The following KCNT2 variants were observed in gnomAD, a reference collection of about 807,000 sequenced individuals.
KCNT2 encodes the protein potassium channel subfamily T member 2.
In KCNT2, 67 loss-of-function variants were observed where a neutral mutation model predicts 153.8. The observed-to-expected ratio is 0.44, with a 90% confidence interval of 0.36 to 0.53. The LOEUF (loss-of-function observed/expected upper bound fraction) is 0.53. KCNT2 is among the 20% of genes least tolerant of loss of function. The probability of loss-of-function intolerance (pLI) is 0.00; values close to 1 mark genes in which losing one functional copy is unlikely to be tolerated. For missense variants in KCNT2, 975 were observed against 1,354.8 expected (o/e 0.72, Z 4.40); for synonymous variants, 500 against 458.8 (o/e 1.09, Z -1.15).
chr1:196,446,676 A>AACT (rs1675713337), intron 8 of KCNT2, among the ~76,000 whole-genome samples: 1 of 151,594 alleles, frequency 6.6e-6, no homozygotes, highest in Non-Finnish European at 1.5e-5. Flanking sequence ...GAAGAGAGCC[A>AACT]GTTACCTACA....
At chr1:196,459,196 C>CA (rs1271460110) in intron 8 of KCNT2, among the ~76,000 whole-genome samples, 2 of 151,238 alleles carry the variant, frequency 1.3e-5, no homozygotes, top group Non-Finnish European at 3.0e-5. Flanking sequence ...TGTGTCTATG[C>CA]AAAAAACATT....
chr1:196,273,375 T>C, intron 25 of KCNT2: 1 of 795,188 alleles, frequency 1.3e-6, no homozygotes, highest in Admixed American at 2.4e-5. Flanking sequence ...TGTCTGAGTA[T>C]TAAATTCAAT....
chr1:196,414,444 G>T (rs945782026), intron 12 of KCNT2, among the ~76,000 whole-genome samples: 5 of 151,754 alleles, frequency 3.3e-5, no homozygotes, highest in African/African-American at 1.2e-4. Flanking sequence ...TCTTGGAATT[G>T]AGGCTATGGG....
chr1:196,266,341 G>C (rs538201888), intron 25 of KCNT2, among the ~76,000 whole-genome samples: 1 of 152,040 alleles, frequency 6.6e-6, no homozygotes, highest in Non-Finnish European at 1.5e-5. Flanking sequence ...CTAAAATAAA[G>C]GTACCTCCCC....
intron 1 of KCNT2, among the ~76,000 whole-genome samples, chr1:196,547,174 T>A (rs1364029061): frequency 2.0e-5 from 3 of 151,986 alleles, no homozygotes; most frequent in Non-Finnish European, 4.4e-5. Flanking sequence ...TGTAATTAAA[T>A]ATTTGAATTT....
At chr1:196,411,941 T>C (rs1672375513) in intron 12 of KCNT2, among the ~76,000 whole-genome samples, 1 of 151,814 alleles carries the variant, frequency 6.6e-6, no homozygotes, top group Non-Finnish European at 1.5e-5. Context: ...GATGGGAATA[T>C]ATTTTTAAGT....
At chr1:196,499,394 G>T (rs1414667949) in intron 1 of KCNT2, among the ~76,000 whole-genome samples, 1 of 152,204 alleles carries the variant, frequency 6.6e-6, no homozygotes, top group Non-Finnish European at 1.5e-5. Flanking sequence ...AACTCCATAA[G>T]GGCAAGGGCC....
chr1:196,475,254 C>A (rs1678428375), intron 5 of KCNT2, among the ~76,000 whole-genome samples: 1 of 152,068 alleles, frequency 6.6e-6, no homozygotes, highest in South Asian at 2.1e-4. Flanking sequence ...ATAATATCAG[C>A]AGTGGAAACA....
intron 1 of KCNT2, among the ~76,000 whole-genome samples, chr1:196,551,361 G>T (rs1392385283): frequency 6.6e-6 from 1 of 151,812 alleles, no homozygotes; most frequent in Non-Finnish European, 1.5e-5. Context: ...AGAACCAGTG[G>T]CAGGTAGATG....
chr1:196,539,075 TCGA>T (rs1340019656), intron 1 of KCNT2, among the ~76,000 whole-genome samples: 1 of 152,158 alleles, frequency 6.6e-6, no homozygotes, highest in African/African-American at 2.4e-5. Context: ...AAATACCTTC[TCGA>T]AGACAGAAAT....
At chr1:196,519,559 A>G (rs1393866082) in intron 1 of KCNT2, among the ~76,000 whole-genome samples, 1 of 152,026 alleles carries the variant, frequency 6.6e-6, no homozygotes, top group African/African-American at 2.4e-5. Flanking sequence ...CTAGACTAAT[A>G]TAGAAAAGAA....
intron 1 of KCNT2, among the ~76,000 whole-genome samples, chr1:196,553,369 A>C (rs1572809091): frequency 6.6e-6 from 1 of 151,398 alleles, no homozygotes; most frequent in East Asian, 1.9e-4. Context: ...TGCACCCAAC[A>C]CTGGAAAACC....
At chr1:196,451,619 A>T (rs1307743698) in intron 8 of KCNT2, among the ~76,000 whole-genome samples, 2 of 151,234 alleles carry the variant, frequency 1.3e-5, no homozygotes, top group Non-Finnish European at 2.9e-5. Flanking sequence ...CCTTAAATAT[A>T]CTAAAATATA....
At chr1:196,421,117 A>T (rs1673168490) in intron 12 of KCNT2, among the ~76,000 whole-genome samples, 1 of 151,956 alleles carries the variant, frequency 6.6e-6, no homozygotes, top group East Asian at 1.9e-4. Context: ...CACTGTTGAC[A>T]CTCATCTATC....
intron 13 of KCNT2, among the ~76,000 whole-genome samples, chr1:196,394,353 C>T (rs891918805): frequency 6.6e-6 from 1 of 151,408 alleles, no homozygotes; most frequent in Admixed American, 6.6e-5. Flanking sequence ...ATGATAATGG[C>T]GTAGACTAGG....
In KCNT2 at chr1:196,492,374, T is replaced by C. The variant is rs778985132; in HGVS notation, c.96-33A>G. 2.3e-6 allele frequency: 3 copies of C among 1,289,624 alleles called. No homozygotes were observed. The Admixed American group carries it at 9.7e-5, about 42-fold the overall frequency. 79.9% of individuals were successfully genotyped at this position (1,289,624 alleles called of 1,614,324 possible). On this transcript the variant is annotated intron_variant, in intron 1 of 27. Coordinates refer to ENST00000294725, the MANE Select transcript of KCNT2 (RefSeq NM_198503.5). ...CAGAAAATAAAAACATGTAAATGTA[T>C]GCAAGCAACCATATCTTTATTTTCA...
intron 27 of KCNT2, among the ~76,000 whole-genome samples, chr1:196,234,880 A>G (rs1284781043): frequency 6.6e-6 from 1 of 151,418 alleles, no homozygotes; most frequent in Non-Finnish European, 1.5e-5. Context: ...TATGTCAGTA[A>G]TACAATCTAT....
At chr1:196,309,721 A>G (rs528239182) in intron 21 of KCNT2, among the ~76,000 whole-genome samples, 1 of 151,978 alleles carries the variant, frequency 6.6e-6, no homozygotes, top group African/African-American at 2.4e-5. Flanking sequence ...TAATAGATTT[A>G]TTTAGTCTCC....
intron 13 of KCNT2, among the ~76,000 whole-genome samples, chr1:196,388,036 G>T (rs1377220154): frequency 6.7e-6 from 1 of 149,946 alleles, no homozygotes; most frequent in Non-Finnish European, 1.5e-5. Context: ...TTTTAGATAT[G>T]TTGTAGTCTC....
Sources: gnomAD v4.1 joint callset for allele counts (sites outside exome capture counted in the v4.1 genomes callset) on GRCh38, gnomAD v4.1.1 for gene constraint, MANE v1.5 for transcripts, NCBI Gene and HGNC (gene_info 2026-07-23, HGNC 2026-07-21) for gene names.